The following GPBP1L1 variants were observed in gnomAD, a reference collection of about 807,000 sequenced individuals.
The protein encoded by GPBP1L1 is vasculin-like protein 1.
Under a neutral mutation model 52.5 loss-of-function variants are expected in GPBP1L1, and 23 were observed. The ratio of observed to expected loss-of-function variants is 0.44; its 90% CI spans 0.32 to 0.62. GPBP1L1 has a LOEUF of 0.62. Ranked by LOEUF, GPBP1L1 falls within the 20% of genes least tolerant of loss-of-function variation. The probability of loss-of-function intolerance (pLI) is 0.06; values close to 1 mark genes in which losing one functional copy is unlikely to be tolerated. For missense variants in GPBP1L1, 596 were observed against 579.3 expected, an observed-to-expected ratio of 1.03 and a Z score of -0.30; for synonymous variants, 243 against 203.1, an observed-to-expected ratio of 1.20 and a Z score of -1.67.
chr1:45,688,094 G>A (rs1005596492), upstream of GPBP1L1: 38 of 152,260 alleles, frequency 2.5e-4, no homozygotes, highest in Admixed American at 2.3e-3. Flanking sequence ...ACAGAAAGCC[G>A]GGCCTAGGAA....
chr1:45,643,907 T>TC (rs1644707147), intron 6 of GPBP1L1, among the ~76,000 whole-genome samples: 1 of 152,006 alleles, frequency 6.6e-6, no homozygotes, highest in Non-Finnish European at 1.5e-5. Context: ...CCTCAAGTGA[T>TC]CCACTCACCT....
intron 6 of GPBP1L1, among the ~76,000 whole-genome samples, chr1:45,648,599 T>C (rs141648515): frequency 8.5e-5 from 13 of 152,338 alleles, no homozygotes; most frequent in African/African-American, 3.1e-4. Flanking sequence ...GCCTCTTATA[T>C]AGATTTTGGT....
At chr1:45,659,433 A>C (rs2148480547) in intron 3 of GPBP1L1, among the ~76,000 whole-genome samples, 1 of 152,326 alleles carries the variant, frequency 6.6e-6, no homozygotes, top group African/African-American at 2.4e-5. Flanking sequence ...CCTGGCCTCA[A>C]AAGATCATCC....
chr1:45,647,661 A>T (rs1644767426), intron 6 of GPBP1L1, among the ~76,000 whole-genome samples: 1 of 152,138 alleles, frequency 6.6e-6, no homozygotes, highest in Admixed American at 6.5e-5. Flanking sequence ...CTGACATATA[A>T]GTGAGCTCAG....
At chr1:45,680,429 G>C (rs192134459) in intron 2 of GPBP1L1, among the ~76,000 whole-genome samples, 3 of 151,842 alleles carry the variant, frequency 2.0e-5, no homozygotes, top group Non-Finnish European at 2.9e-5. Context: ...AGTAGAGACA[G>C]GGTTTCACCA....
At chr1:45,678,969 T>C (rs1645180394) in intron 2 of GPBP1L1, among the ~76,000 whole-genome samples, 1 of 152,320 alleles carries the variant, frequency 6.6e-6, no homozygotes, top group East Asian at 1.9e-4. Context: ...TTGTGAACAG[T>C]AGTAACTCCT....
chr1:45,642,196 T>C (rs12091503), intron 7 of GPBP1L1, among the ~76,000 whole-genome samples: 43,555 of 151,962 alleles, frequency 0.29, 6,381 homozygotes, highest in South Asian at 0.37. Context: ...GTTCTATAAG[T>C]TCTCAGTTGT....
intron 10 of GPBP1L1, among the ~76,000 whole-genome samples, chr1:45,632,351 T>A (rs1644541205): frequency 6.6e-6 from 1 of 151,752 alleles, no homozygotes; most frequent in Non-Finnish European, 1.5e-5. Context: ...TGCAGTAAGC[T>A]GAGATTGCTC....
At chr1:45,668,027 C>A (rs375704818) in intron 2 of GPBP1L1, among the ~76,000 whole-genome samples, 1 of 152,158 alleles carries the variant, frequency 6.6e-6, no homozygotes, top group African/African-American at 2.4e-5. Context: ...GTGTGAGCCA[C>A]GCCTGCCCTC....
chr1:45,672,251 A>G (rs754247963), intron 2 of GPBP1L1, among the ~76,000 whole-genome samples: 2 of 151,174 alleles, frequency 1.3e-5, no homozygotes, highest in Non-Finnish European at 2.9e-5. Context: ...AGTCCCAACT[A>G]CTCGGGAGGC....
intron 6 of GPBP1L1, among the ~76,000 whole-genome samples, chr1:45,646,432 T>C (rs563179009): frequency 1.3e-5 from 2 of 152,354 alleles, no homozygotes; most frequent in African/African-American, 4.8e-5. Context: ...CCAAAGGATA[T>C]CTTTCTTTTT....
chr1:45,642,539 G>C (rs1644687620), intron 6 of GPBP1L1, 40 bp from the exon 7 acceptor site: 1 of 1,518,622 alleles, frequency 6.6e-7, no homozygotes, highest in Non-Finnish European at 9.1e-7. Context: ...ACAGAAAGCT[G>C]ATCATTTTGG....
chr1:45,644,554 T>A (rs1243934435), intron 6 of GPBP1L1, among the ~76,000 whole-genome samples: 4 of 108,466 alleles, frequency 3.7e-5, no homozygotes, highest in Admixed American at 2.6e-4. Flanking sequence ...TGGTGATCAC[T>A]GCATTTTTTT....
Position 45,659,057 on chromosome 1 carries a change from G to A in GPBP1L1, c.31C>T (p.Leu11=). Residue 11 remains leucine, a synonymous_variant, in exon 4 of 13, where the codon CTA becomes TTA. Transcript: ENST00000355105. ...GCTGACTGTGGTGTTGAGAAATTTA[G>A]CCAAGCAGGAACAAAATCATGCTGC... MAQHDFVPAW[L]NFSTPQSAKS... is the part of the protein sequence containing the mutation. 1 of 1,613,802 alleles carries A rather than the reference G, an allele frequency of 6.2e-7. No individual in the cohort carries two copies. Among genetic ancestry groups the A allele is most frequent in the Non-Finnish European group, 8.5e-7 (1 of 1,179,710 alleles).
At chr1:45,631,122 T>C (rs1644525725) in intron 10 of GPBP1L1, among the ~76,000 whole-genome samples, 1 of 151,802 alleles carries the variant, frequency 6.6e-6, no homozygotes, top group African/African-American at 2.4e-5. Flanking sequence ...ACAAAGACCT[T>C]ACAGCCGTCA....
chr1:45,670,131 G>A (rs755748684), intron 2 of GPBP1L1, among the ~76,000 whole-genome samples: 2 of 152,176 alleles, frequency 1.3e-5, no homozygotes, highest in Non-Finnish European at 2.9e-5. Context: ...CATTTTAAGC[G>A]TTCCATCTGC....
intron 2 of GPBP1L1, among the ~76,000 whole-genome samples, chr1:45,670,344 G>A (rs928569382): frequency 1.3e-5 from 2 of 152,150 alleles, no homozygotes; most frequent in Non-Finnish European, 2.9e-5. Context: ...AATCAGATAC[G>A]AATCCTATGA....
intron 6 of GPBP1L1, among the ~76,000 whole-genome samples, chr1:45,652,893 A>C (rs942906930): frequency 2.0e-5 from 3 of 152,100 alleles, no homozygotes; most frequent in Non-Finnish European, 4.4e-5. Flanking sequence ...CATTGTTTTC[A>C]AATCATTCCC....
chr1:45,652,720 ATTT>A (rs59239639), intron 6 of GPBP1L1, among the ~76,000 whole-genome samples: 1 of 147,670 alleles, frequency 6.8e-6, no homozygotes. Flanking sequence ...TGATTGCTGC[ATTT>A]TTTTTTTTTT....
Sources: allele counts gnomAD v4.1 joint callset (sites outside exome capture counted in the v4.1 genomes callset), GRCh38; gene constraint gnomAD v4.1.1; transcripts MANE v1.5; gene names NCBI Gene and HGNC (gene_info 2026-07-23, HGNC 2026-07-21).